The following PDE4D variants were observed in gnomAD, a reference collection of about 807,000 sequenced individuals.
PDE4D encodes the protein 3',5'-cyclic-AMP phosphodiesterase 4D.
In PDE4D, 24 loss-of-function variants were observed where a neutral mutation model predicts 87.4. The observed-to-expected ratio is 0.27, with a 90% CI of 0.20 to 0.39. PDE4D has a LOEUF of 0.39. Ranked by LOEUF, PDE4D falls within the 10% of genes least tolerant of loss-of-function variation. PDE4D has a pLI of 1.00. For missense variants in PDE4D, 714 were observed against 1,041.0 expected, an observed-to-expected ratio of 0.69 and a Z score of 4.32; for synonymous variants, 384 against 383.2, an observed-to-expected ratio of 1.00 and a Z score of -0.02.
At chr5:59,454,458 G>A (rs545024058) in intron 1 of PDE4D, among the ~76,000 whole-genome samples, 4 of 152,284 alleles carry the variant, frequency 2.6e-5, no homozygotes, top group East Asian at 3.9e-4. Flanking sequence ...CATGTAAGAC[G>A]TGACTTGCTC....
At chr5:59,771,603 C>T (rs1763594207) in intron 1 of PDE4D, among the ~76,000 whole-genome samples, 1 of 151,970 alleles carries the variant, frequency 6.6e-6, no homozygotes, top group South Asian at 2.1e-4. Context: ...ATGCAAGGGA[C>T]TCTGGGTTCT....
intron 5 of PDE4D, among the ~76,000 whole-genome samples, chr5:59,137,077 C>G (rs1230151470): frequency 6.6e-6 from 1 of 152,164 alleles, no homozygotes; most frequent in Non-Finnish European, 1.5e-5. Flanking sequence ...ACCGTAGACA[C>G]AAGAGAAACT....
intron 1 of PDE4D, among the ~76,000 whole-genome samples, chr5:60,216,501 C>T (rs923223925): frequency 5.3e-5 from 8 of 152,006 alleles, no homozygotes; most frequent in Admixed American, 3.9e-4. Flanking sequence ...GACAAATTGG[C>T]AGCATAGATT....
intron 1 of PDE4D, among the ~76,000 whole-genome samples, chr5:59,533,096 AAC>A (rs1814522076): frequency 6.6e-6 from 1 of 152,230 alleles, no homozygotes. Context: ...TAATTTAACT[AAC>A]ACACTGTCTT....
chr5:59,058,668 C>T (rs754864414), intron 5 of PDE4D, among the ~76,000 whole-genome samples: 11 of 152,110 alleles, frequency 7.2e-5, no homozygotes, highest in Non-Finnish European at 1.0e-4. Context: ...TACCCTCTAC[C>T]GGGGGCTTTC....
intron 2 of PDE4D, among the ~76,000 whole-genome samples, chr5:60,151,254 C>T (rs1781475458): frequency 6.6e-6 from 1 of 152,134 alleles, no homozygotes. Flanking sequence ...AAATGATCTG[C>T]CTGCCTCAGT....
chr5:60,248,747 G>A lies in PDE4D; in HGVS notation c.-89-63060C>T, dbSNP rs551221152. 3.3e-5 allele frequency among the ~76,000 whole-genome samples: 5 copies of A among 151,952 alleles called. No homozygotes were observed. In the South Asian group the frequency reaches 1.0e-3, roughly 32 times the overall value. On this transcript the variant is annotated intron_variant, in intron 1 of 16. Transcript: ENST00000502484. ...CACTTCTTGCCCTTGGTTGGTATTG[G>A]TGTCAAAATCATTTTGCCTGCCTGC...
intron 1 of PDE4D, among the ~76,000 whole-genome samples, chr5:59,757,094 G>A (rs879630427): frequency 1.3e-5 from 2 of 152,128 alleles, no homozygotes; most frequent in Non-Finnish European, 2.9e-5. Flanking sequence ...TACCGCACCC[G>A]GCCGGTTCTT....
chr5:59,092,803 C>T (rs1580754927), intron 5 of PDE4D, among the ~76,000 whole-genome samples: 1 of 152,140 alleles, frequency 6.6e-6, no homozygotes, highest in South Asian at 2.1e-4. Context: ...ATAGTGAGCA[C>T]GCATTGAGTT....
At position 59,053,649 on chromosome 5, in the gene PDE4D, T is replaced by TTTG. The variant is rs1386400117; in HGVS notation, c.809-14679_809-14678insCAA. On this transcript the variant is annotated intron_variant, in intron 5 of 14. Transcript: ENST00000340635. Reference sequence around the variant, plus strand: ...AATTAAGTTGTTTTGTTTTTTGTTTTTTTTTGTTGTTGTTTTTTTTTTTTG... The same window carrying TTTG: ...AATTAAGTTGTTTTGTTTTTTGTTTTTTGTTTTTGTTGTTGTTTTTTTTTTTTG... Among the ~76,000 whole-genome samples, 191 of 73,522 alleles carry TTTG rather than the reference T, an allele frequency of 2.6e-3. 10 individuals carry two copies. The highest frequency in any genetic ancestry group is 0.019 in the Middle Eastern group (2 of 108). The allele number at this position is 73,522 out of a possible 152,430, so 48.2% of individuals were successfully genotyped here.
chr5:60,489,476 T>G (rs1475169781), upstream of PDE4D, among the ~76,000 whole-genome samples: 1 of 152,172 alleles, frequency 6.6e-6, no homozygotes, highest in Non-Finnish European at 1.5e-5. Flanking sequence ...TTGACTGAAT[T>G]CAACTTGAGA....
chr5:59,411,232 T>C (rs2153620846), intron 1 of PDE4D, among the ~76,000 whole-genome samples: 1 of 152,338 alleles, frequency 6.6e-6, no homozygotes, highest in African/African-American at 2.4e-5. Flanking sequence ...GGGCACTTTG[T>C]AATTAGCATT....
chr5:59,762,397 CATGTGTAT>C lies in PDE4D; in HGVS notation c.455+130763_455+130770del, dbSNP rs550632335. On this transcript the variant is annotated intron_variant, in intron 1 of 14. Coordinates refer to ENST00000340635, the MANE Select transcript of PDE4D (RefSeq NM_001104631.2). ...ATGTGTATATGTGTATATGGGTACACATGTGTATATGTGTATATGGGTACACATGTGTA... is the reference window on the plus strand; with the variant it reads ...ATGTGTATATGTGTATATGGGTACACATGTGTATATGGGTACACATGTGTA... Among the ~76,000 whole-genome samples the C allele has an allele frequency of 4.3e-4, 45 of 104,064 alleles. 4 individuals carry two copies. The highest frequency in any genetic ancestry group is 2.3e-3 in the Admixed American group (24 of 10,564). 68.3% of individuals were successfully genotyped at this position (104,064 alleles called of 152,430 possible).
At chr5:59,743,079 T>C (rs1759090998) in intron 1 of PDE4D, among the ~76,000 whole-genome samples, 1 of 152,152 alleles carries the variant, frequency 6.6e-6, no homozygotes, top group East Asian at 1.9e-4. Flanking sequence ...GATCAAGTAT[T>C]ATAAGTTAGT....
chr5:59,392,491 A>ATG (rs922583880), intron 1 of PDE4D, among the ~76,000 whole-genome samples: 1 of 133,500 alleles, frequency 7.5e-6, no homozygotes. Flanking sequence ...CTTTATATAT[A>ATG]TGTGTGTGTG....
chr5:59,331,625 T>C (rs1424870548), intron 1 of PDE4D, among the ~76,000 whole-genome samples: 1 of 152,192 alleles, frequency 6.6e-6, no homozygotes. Context: ...TGACATTTCT[T>C]TTCCAGAATC....
chr5:59,820,634 T>C (rs2152687970), intron 1 of PDE4D, among the ~76,000 whole-genome samples: 1 of 152,306 alleles, frequency 6.6e-6, no homozygotes, highest in South Asian at 2.1e-4. Flanking sequence ...AATACTTTCC[T>C]TCATCTGACA....
chr5:60,423,185 C>T (rs1743296927), intron 1 of PDE4D, among the ~76,000 whole-genome samples: 1 of 152,210 alleles, frequency 6.6e-6, no homozygotes, highest in South Asian at 2.1e-4. Context: ...AGCTCCGCAA[C>T]AAGCGGGCCT....
chr5:59,911,256 T>A (rs1753406637), intron 3 of PDE4D, among the ~76,000 whole-genome samples: 1 of 152,196 alleles, frequency 6.6e-6, no homozygotes, highest in Non-Finnish European at 1.5e-5. Flanking sequence ...CTCCTAGGGA[T>A]AACATCACTA....
Sources: allele counts gnomAD v4.1 joint callset (sites outside exome capture counted in the v4.1 genomes callset), GRCh38; gene constraint gnomAD v4.1.1; transcripts MANE v1.5; gene names NCBI Gene and HGNC (gene_info 2026-07-23, HGNC 2026-07-21).